Variants in AGBL4 observed in about 807,000 individuals in gnomAD.
The protein encoded by AGBL4 is AGBL carboxypeptidase 4.
Under a neutral mutation model 66.4 loss-of-function variants are expected in AGBL4, and 58 were observed. That is an observed-to-expected ratio of 0.87 (90% CI 0.71 to 1.09). The LOEUF (loss-of-function observed/expected upper bound fraction) is 1.09. Ranked by LOEUF, AGBL4 falls within the 50% of genes least tolerant of loss-of-function variation. AGBL4 has a pLI of 0.00. For synonymous variants in AGBL4, 234 were observed against 222.9 expected (o/e 1.05, Z -0.44); for missense variants, 579 against 631.0 (o/e 0.92, Z 0.88).
chr1:49,744,054 TA>T (rs199534512), intron 2 of AGBL4, among the ~76,000 whole-genome samples: 4,884 of 147,918 alleles, frequency 0.033, 177 homozygotes, highest in Admixed American at 0.12. Flanking sequence ...TAAAGTATAA[TA>T]AAAAAAAAAG....
Position 49,446,853 on chromosome 1 carries a change from A to G in AGBL4, c.283-200989T>C, listed in dbSNP as rs547944033. Among the ~76,000 whole-genome samples the G allele has an allele frequency of 2.0e-5, 3 of 152,288 alleles. No individual in the cohort carries two copies. In the South Asian group the frequency reaches 6.2e-4, roughly 32 times the overall value. On this transcript the variant is annotated intron_variant, in intron 3 of 13. Transcript: ENST00000371839. The stretch of plus-strand genomic sequence containing the variant: ...TCCAAAGCCCATTCTCTGGTTGGTG[A>G]TGGCAATAGTGCAAAGTCACCCACA...
intron 2 of AGBL4, among the ~76,000 whole-genome samples, chr1:49,723,794 A>G (rs1012258112): frequency 1.3e-5 from 2 of 152,144 alleles, no homozygotes; most frequent in African/African-American, 4.8e-5. Context: ...GTGCTCTAAC[A>G]CTCACCAACC....
intron 5 of AGBL4, among the ~76,000 whole-genome samples, chr1:49,006,669 G>C (rs1284099011): frequency 6.6e-6 from 1 of 150,800 alleles, no homozygotes; most frequent in African/African-American, 2.4e-5. Flanking sequence ...CCAGTACGCA[G>C]CTGGAGATCT....
chr1:49,348,654 T>C (rs1193111839), intron 3 of AGBL4, among the ~76,000 whole-genome samples: 1 of 152,204 alleles, frequency 6.6e-6, no homozygotes, highest in Non-Finnish European at 1.5e-5. Flanking sequence ...CCCAATTATA[T>C]GGATTTCAGA....
intron 3 of AGBL4, among the ~76,000 whole-genome samples, chr1:49,501,045 T>C (rs1246631525): frequency 6.6e-6 from 1 of 152,118 alleles, no homozygotes; most frequent in Non-Finnish European, 1.5e-5. Flanking sequence ...TATAATTTCT[T>C]TCAGCAGTGT....
chr1:49,948,118 G>A lies in AGBL4; in HGVS notation c.34+75645C>T, dbSNP rs1300775470. On this transcript the variant is annotated intron_variant, in intron 1 of 13. Coordinates refer to ENST00000371839, the MANE Select transcript of AGBL4 (RefSeq NM_032785.4). Reference sequence around the variant, plus strand: ...TATATGTATATATATGTAAATGTATGTAAATATATATAAATATATGTAAAT... The same window carrying A: ...TATATGTATATATATGTAAATGTATATAAATATATATAAATATATGTAAAT... Among the ~76,000 whole-genome samples the A allele has an allele frequency of 6.4e-3, 485 of 76,302 alleles. 5 individuals are homozygous for A. The highest frequency in any genetic ancestry group is 0.043 in the Middle Eastern group (3 of 70). 50.1% of individuals were successfully genotyped at this position (76,302 alleles called of 152,430 possible).
chr1:49,072,127 CTG>C (rs1373322401), intron 4 of AGBL4, among the ~76,000 whole-genome samples: 1 of 152,112 alleles, frequency 6.6e-6, no homozygotes, highest in African/African-American at 2.4e-5. Flanking sequence ...TATTTTGAGC[CTG>C]TGTGTGTCTT....
chr1:48,534,092 C>A lies in AGBL4; in HGVS notation c.*81G>T, dbSNP rs182998502. ...GCATTAATCCACAAATCCTTGGAAG[C>A]TAGAGAAGAGTGATTAATTTCATTC... is the stretch of plus-strand genomic sequence containing the variant. On this transcript the variant is annotated 3_prime_UTR_variant, in exon 14 of 14. Transcript: ENST00000371839. 2.0e-3 allele frequency: 3,011 copies of A among 1,542,842 alleles called. 8 individuals carry two copies. The highest frequency in any genetic ancestry group is 2.6e-3 in the South Asian group (219 of 83,726).
intron 4 of AGBL4, among the ~76,000 whole-genome samples, chr1:49,062,641 C>A (rs1016683988): frequency 2.0e-5 from 3 of 152,102 alleles, no homozygotes; most frequent in African/African-American, 7.2e-5. Context: ...TAAAGATTTA[C>A]CCCTAGAAGA....
chr1:49,114,571 A>G (rs1235932179), intron 4 of AGBL4, among the ~76,000 whole-genome samples: 1 of 152,228 alleles, frequency 6.6e-6, no homozygotes, highest in African/African-American at 2.4e-5. Flanking sequence ...GTTTGGTGGA[A>G]GAAGCCTATC....
intron 3 of AGBL4, among the ~76,000 whole-genome samples, chr1:49,292,473 C>T (rs1250293207): frequency 5.3e-5 from 8 of 152,290 alleles, no homozygotes; most frequent in African/African-American, 1.7e-4. Flanking sequence ...CCCATGGCCA[C>T]CCATGGGCCA....
chr1:49,626,991 A>C (rs1645476585), intron 3 of AGBL4, among the ~76,000 whole-genome samples: 1 of 152,172 alleles, frequency 6.6e-6, no homozygotes, highest in African/African-American at 2.4e-5. Context: ...ACAATGCTAC[A>C]TCCTCTGATG....
chr1:49,388,300 T>C (rs1644778168), intron 3 of AGBL4, among the ~76,000 whole-genome samples: 1 of 152,114 alleles, frequency 6.6e-6, no homozygotes, highest in African/African-American at 2.4e-5. Context: ...TCTGACAAAG[T>C]TGTAATATGA....
At chr1:49,206,332 A>G (rs1192581168) in intron 4 of AGBL4, among the ~76,000 whole-genome samples, 2 of 152,114 alleles carry the variant, frequency 1.3e-5, no homozygotes, top group Non-Finnish European at 2.9e-5. Flanking sequence ...AAACAAAACA[A>G]AACAAAAAAT....
At chr1:49,303,820 C>T (rs1338935465) in intron 3 of AGBL4, among the ~76,000 whole-genome samples, 1 of 152,008 alleles carries the variant, frequency 6.6e-6, no homozygotes, top group East Asian at 1.9e-4. Flanking sequence ...CCTTTGCCTG[C>T]TTTTTAATGG....
At chr1:49,625,548 A>T (rs1374989685) in intron 3 of AGBL4, among the ~76,000 whole-genome samples, 2 of 152,206 alleles carry the variant, frequency 1.3e-5, no homozygotes, top group African/African-American at 4.8e-5. Context: ...AGCACACTGC[A>T]GGAGGCCTGG....
intron 1 of AGBL4, among the ~76,000 whole-genome samples, chr1:49,981,802 CTG>C (rs1204859389): frequency 1.3e-5 from 2 of 152,194 alleles, no homozygotes; most frequent in East Asian, 3.8e-4. Context: ...TGGGGACAAT[CTG>C]GTAAATAAAT....
chr1:48,907,332 A>T lies in AGBL4; in HGVS notation c.595-40102T>A, dbSNP rs549862875. Among the ~76,000 whole-genome samples the T allele has an allele frequency of 5.3e-5, 8 of 152,376 alleles. No homozygotes were observed. In the South Asian group the frequency reaches 6.2e-4, roughly 12 times the overall value. ...AGATGGAGTCTAATAATAACTAACAAGATAGTAATAAAGTTTGAATAAAAT... is the reference window on the plus strand; with the variant it reads ...AGATGGAGTCTAATAATAACTAACATGATAGTAATAAAGTTTGAATAAAAT... On this transcript the variant is annotated intron_variant, in intron 5 of 13. Coordinates refer to ENST00000371839, the MANE Select transcript of AGBL4 (RefSeq NM_032785.4).
At chr1:49,792,735 A>G (rs1644630994) in intron 2 of AGBL4, among the ~76,000 whole-genome samples, 2 of 152,024 alleles carry the variant, frequency 1.3e-5, no homozygotes, top group South Asian at 4.1e-4. Context: ...CCCTTACTCA[A>G]TCACACATAC....
Sources: allele counts gnomAD v4.1 joint callset (sites outside exome capture counted in the v4.1 genomes callset), GRCh38; gene constraint gnomAD v4.1.1; transcripts MANE v1.5; gene names NCBI Gene and HGNC (gene_info 2026-07-23, HGNC 2026-07-21).